PIK3C2G: variants seen among roughly 807,000 people sequenced by gnomAD.
The protein encoded by PIK3C2G is phosphatidylinositol-4-phosphate 3-kinase catalytic subunit type 2 gamma, also known as phosphatidylinositol 3-kinase C2 domain-containing subunit gamma.
Under a neutral mutation model 181.1 loss-of-function variants are expected in PIK3C2G, and 168 were observed. The ratio of observed to expected loss-of-function variants is 0.93; its 90% CI spans 0.82 to 1.05. PIK3C2G has a LOEUF of 1.05. Ranked by LOEUF, PIK3C2G falls within the 50% of genes least tolerant of loss-of-function variation. The probability of loss-of-function intolerance (pLI) is 0.00; values close to 1 mark genes in which losing one functional copy is unlikely to be tolerated. For synonymous variants in PIK3C2G, 573 were observed against 592.2 expected (o/e 0.97, Z 0.47); for missense variants, 1,869 against 1,732.8 (o/e 1.08, Z -1.40).
chr12:18,269,908 T>A (rs1948672060), intron 1 of PIK3C2G, among the ~76,000 whole-genome samples: 1 of 118,466 alleles, frequency 8.4e-6, no homozygotes. Context: ...TTTTTTTTTC[T>A]TTTCTTTTTT....
upstream of PIK3C2G, among the ~76,000 whole-genome samples, chr12:18,244,647 A>C (rs191335538): frequency 4.0e-3 from 494 of 123,718 alleles, 1 homozygote; most frequent in Non-Finnish European, 4.8e-3. Flanking sequence ...TCCAGCCATT[A>C]TTTAATCAGG....
At chr12:18,255,719 C>T (rs7975610) in intron 1 of PIK3C2G, among the ~76,000 whole-genome samples, 66,720 of 151,862 alleles carry the variant, frequency 0.44, 15,076 homozygotes, top group East Asian at 0.75. Context: ...GAAAAGATGG[C>T]CTTTGGCTAG....
intron 13 of PIK3C2G, among the ~76,000 whole-genome samples, chr12:18,372,046 T>C (rs1263941322): frequency 1.3e-5 from 2 of 152,160 alleles, no homozygotes; most frequent in African/African-American, 4.8e-5. Context: ...CCCTCTGCTG[T>C]TTTAGAAAGA....
the PIK3C2G span, chr12:18,701,397 T>C: frequency 1.9e-6 from 3 of 1,567,610 alleles, no homozygotes; most frequent in Non-Finnish European, 2.6e-6. Context: ...AGAGTTTTTA[T>C]AAGAAGGAAA....
intron 15 of PIK3C2G, among the ~76,000 whole-genome samples, chr12:18,396,470 T>C (rs1943900435): frequency 6.6e-6 from 1 of 151,608 alleles, no homozygotes; most frequent in African/African-American, 2.4e-5. Context: ...GATGTCTGCT[T>C]CAAACATTTC....
intron 13 of PIK3C2G, among the ~76,000 whole-genome samples, chr12:18,377,789 CA>C (rs1222264808): frequency 6.6e-6 from 1 of 152,104 alleles, no homozygotes; most frequent in East Asian, 1.9e-4. Flanking sequence ...CAGTGGTCCC[CA>C]TTTGCCTGGT....
At chr12:18,502,704 TA>T (rs912569918) in intron 22 of PIK3C2G, among the ~76,000 whole-genome samples, 1 of 152,024 alleles carries the variant, frequency 6.6e-6, no homozygotes, top group South Asian at 2.1e-4. Context: ...ATGCTCCCTT[TA>T]AAAAAAATTA....
In PIK3C2G at chr12:18,309,000, C is replaced by T. The variant is rs145902218; in HGVS notation, c.1035-4962C>T. 5.9e-5 allele frequency among the ~76,000 whole-genome samples: 9 copies of T among 151,666 alleles called. No individual in the cohort carries two copies. The East Asian group carries it at 1.7e-3, about 29-fold the overall frequency. On this transcript the variant is annotated intron_variant, in intron 5 of 32. Transcript: ENST00000538779. ...GTGGAAGTATATAAAGAAAATTTGG[C>T]CTCACACAAATATGGTTTGTGGAAA...
At chr12:18,257,862 A>G (rs997620793), upstream of PIK3C2G, among the ~76,000 whole-genome samples, 1 of 145,248 alleles carries the variant, frequency 6.9e-6, no homozygotes, top group Non-Finnish European at 1.5e-5. Flanking sequence ...AGAAAGAAAG[A>G]AGATAGAAAA....
the PIK3C2G span, chr12:18,701,606 ATCCTCCTCCTCCTCC>A: frequency 0.014 from 20,071 of 1,476,258 alleles, 83 homozygotes; most frequent in African/African-American, 0.036. Flanking sequence ...CTTTGAATTT[ATCCTCCTCCTCCTCC>A]TCCTCCTCCT....
chr12:18,475,850 G>A (rs1485685918), intron 18 of PIK3C2G, among the ~76,000 whole-genome samples: 2 of 152,010 alleles, frequency 1.3e-5, no homozygotes, highest in Non-Finnish European at 1.5e-5. Context: ...GCTATTACTA[G>A]GTTAGTTTGG....
the PIK3C2G span, among the ~76,000 whole-genome samples, chr12:18,702,889 C>T: frequency 7.2e-6 from 1 of 138,008 alleles, no homozygotes; most frequent in Non-Finnish European, 1.5e-5. Flanking sequence ...GACATGATCT[C>T]AGCTCACTGC....
intron 18 of PIK3C2G, among the ~76,000 whole-genome samples, chr12:18,433,334 G>A (rs1946268154): frequency 6.6e-6 from 1 of 151,958 alleles, no homozygotes; most frequent in Non-Finnish European, 1.5e-5. Flanking sequence ...CCAACATGGT[G>A]AAACCCCATT....
intron 31 of PIK3C2G, among the ~76,000 whole-genome samples, chr12:18,617,103 C>T (rs951498763): frequency 3.3e-5 from 5 of 152,084 alleles, no homozygotes; most frequent in Admixed American, 1.3e-4. Context: ...TCTTCTTTCT[C>T]CTGCTTTATG....
intron 31 of PIK3C2G, among the ~76,000 whole-genome samples, chr12:18,626,953 T>C (rs916095489): frequency 9.9e-5 from 15 of 152,078 alleles, no homozygotes; most frequent in African/African-American, 3.6e-4. Context: ...CCATTATTTC[T>C]TTAAATATGC....
chr12:18,328,925 T>C (rs192212382), intron 8 of PIK3C2G, among the ~76,000 whole-genome samples: 79 of 151,762 alleles, frequency 5.2e-4, no homozygotes, highest in Admixed American at 1.2e-3. Context: ...GAAAATTGGA[T>C]AAAATTAAGA....
In PIK3C2G at chr12:18,371,323, A is replaced by C. The variant is rs1269082609; in HGVS notation, c.1880+12A>C. 6.3e-7 allele frequency: 1 copy of C among 1,595,662 alleles called. No homozygotes were observed. Among genetic ancestry groups the C allele is most frequent in the African/African-American group, 1.3e-5 (1 of 74,470 alleles). Reference sequence around the variant, plus strand: ...CTGTTTCCAAAAGAGTAAGTGTATCAATTGTGAGTAATAAGCCTATCATTT... The same window carrying C: ...CTGTTTCCAAAAGAGTAAGTGTATCCATTGTGAGTAATAAGCCTATCATTT... On this transcript the variant is annotated intron_variant, in intron 13 of 32. Transcript: ENST00000538779.
At chr12:18,319,885 A>C (rs1406333625) in intron 6 of PIK3C2G, among the ~76,000 whole-genome samples, 1 of 152,054 alleles carries the variant, frequency 6.6e-6, no homozygotes, top group African/African-American at 2.4e-5. Context: ...TCTATATGTA[A>C]ATTTCTAGAA....
chr12:18,662,455 A>G, the PIK3C2G span, among the ~76,000 whole-genome samples: 1 of 152,108 alleles, frequency 6.6e-6, no homozygotes, highest in East Asian at 1.9e-4. Context: ...TGCAGGGAAT[A>G]CTAAAGGTGG....
Sources: allele counts gnomAD v4.1 joint callset (sites outside exome capture counted in the v4.1 genomes callset), GRCh38; gene constraint gnomAD v4.1.1; transcripts MANE v1.5; gene names NCBI Gene and HGNC (gene_info 2026-07-23, HGNC 2026-07-21).